ADAMTSL1: variants seen among roughly 807,000 people sequenced by gnomAD.
ADAMTSL1 encodes the protein ADAMTS like 1.
ADAMTSL1 carries 126 observed loss-of-function variants against 201.8 expected under a neutral mutation model. That is an observed-to-expected ratio of 0.62 (90% CI 0.54 to 0.72). ADAMTSL1 has a LOEUF of 0.72. Ranked by LOEUF, ADAMTSL1 falls within the 30% of genes least tolerant of loss-of-function variation. ADAMTSL1 has a pLI of 0.00. For synonymous variants in ADAMTSL1, 1,121 were observed against 903.4 expected (o/e 1.24, Z -4.32); for missense variants, 2,679 against 2,277.8 (o/e 1.18, Z -3.59).
chr9:18,396,554 A>T (rs1817761072), intron 2 of ADAMTSL1, among the ~76,000 whole-genome samples: 1 of 148,144 alleles, frequency 6.8e-6, no homozygotes, highest in South Asian at 2.1e-4. Context: ...TATAATTAAA[A>T]TTAATATTAA....
chr9:18,815,209 A>T (rs1032214876), intron 20 of ADAMTSL1, among the ~76,000 whole-genome samples: 6 of 152,188 alleles, frequency 3.9e-5, no homozygotes, highest in Non-Finnish European at 4.4e-5. Flanking sequence ...ACTCCTGGGT[A>T]TATATGCAAA....
At chr9:18,545,912 G>A (rs759409708) in intron 3 of ADAMTSL1, among the ~76,000 whole-genome samples, 22 of 152,118 alleles carry the variant, frequency 1.4e-4, no homozygotes, top group African/African-American at 3.6e-4. Flanking sequence ...GCCTAGAAAC[G>A]ATAAGCAGCA....
chr9:18,342,899 TGTCGG>T (rs1246978904), intron 2 of ADAMTSL1, among the ~76,000 whole-genome samples: 1 of 152,198 alleles, frequency 6.6e-6, no homozygotes, highest in Non-Finnish European at 1.5e-5. Context: ...AACCCTAGCA[TGTCGG>T]TACTTCCTGT....
At chr9:17,957,616 G>A (rs958587723) in intron 1 of ADAMTSL1, among the ~76,000 whole-genome samples, 1 of 152,192 alleles carries the variant, frequency 6.6e-6, no homozygotes, top group Non-Finnish European at 1.5e-5. Context: ...GGGTTGAATA[G>A]CATCCCCCCA....
intron 2 of ADAMTSL1, among the ~76,000 whole-genome samples, chr9:18,349,719 C>G (rs1377849738): frequency 6.6e-6 from 1 of 152,036 alleles, no homozygotes; most frequent in African/African-American, 2.4e-5. Context: ...CTATTCAAGG[C>G]AAAATGCAGT....
At chr9:18,386,435 A>C (rs1184378804) in intron 2 of ADAMTSL1, among the ~76,000 whole-genome samples, 4 of 152,204 alleles carry the variant, frequency 2.6e-5, no homozygotes, top group African/African-American at 9.6e-5. Flanking sequence ...TGGGTTCAGA[A>C]TTACTTCTGT....
intron 1 of ADAMTSL1, among the ~76,000 whole-genome samples, chr9:17,961,651 C>T (rs1398900037): frequency 1.3e-5 from 2 of 152,188 alleles, no homozygotes; most frequent in African/African-American, 4.8e-5. Flanking sequence ...ATTCAGTTTG[C>T]TGATTTGATT....
chr9:18,638,866 C>T (rs1827264016), intron 6 of ADAMTSL1, among the ~76,000 whole-genome samples: 1 of 151,874 alleles, frequency 6.6e-6, no homozygotes, highest in Non-Finnish European at 1.5e-5. Context: ...TCTTGTAGAG[C>T]AAAAAGAAAA....
intron 7 of ADAMTSL1, among the ~76,000 whole-genome samples, chr9:18,653,348 C>T (rs1828416354): frequency 6.6e-6 from 1 of 152,208 alleles, no homozygotes; most frequent in Admixed American, 6.5e-5. Flanking sequence ...TCTGCTTTGC[C>T]ACTCAGTATC....
chr9:18,802,801 C>T (rs538704735), intron 20 of ADAMTSL1, among the ~76,000 whole-genome samples: 80 of 152,328 alleles, frequency 5.3e-4, no homozygotes, highest in African/African-American at 1.9e-3. Context: ...TTCAAAGAGA[C>T]TGCACCACTT....
intron 15 of ADAMTSL1, among the ~76,000 whole-genome samples, chr9:18,734,560 G>T (rs186285052): frequency 6.6e-6 from 1 of 152,082 alleles, no homozygotes; most frequent in Non-Finnish European, 1.5e-5. Flanking sequence ...CCTGGGCCGC[G>T]CACTAACAGC....
intron 1 of ADAMTSL1, among the ~76,000 whole-genome samples, chr9:17,924,310 A>G (rs1826431839): frequency 6.6e-6 from 1 of 152,068 alleles, no homozygotes; most frequent in African/African-American, 2.4e-5. Flanking sequence ...AGCTCCCGTT[A>G]TTGGTCTATT....
At chr9:18,074,214 C>A (rs374826767) in intron 1 of ADAMTSL1, among the ~76,000 whole-genome samples, 4 of 152,126 alleles carry the variant, frequency 2.6e-5, no homozygotes, top group Non-Finnish European at 5.9e-5. Context: ...AGCCAGGCTT[C>A]CCTTTGGCTT....
intron 1 of ADAMTSL1, among the ~76,000 whole-genome samples, chr9:18,045,533 A>G (rs116129653): frequency 2.8e-3 from 434 of 152,330 alleles, no homozygotes; most frequent in African/African-American, 9.4e-3. Context: ...CCCATTCATG[A>G]TCAATGAATG....
At chr9:17,974,842 G>A (rs1170200798) in intron 1 of ADAMTSL1, among the ~76,000 whole-genome samples, 1 of 151,996 alleles carries the variant, frequency 6.6e-6, no homozygotes, top group East Asian at 1.9e-4. Context: ...ATGAACATGG[G>A]GTTCTTTGGG....
intron 1 of ADAMTSL1, among the ~76,000 whole-genome samples, chr9:18,127,471 G>A (rs78027841): frequency 0.34 from 41,423 of 122,650 alleles, 5,927 homozygotes; most frequent in Admixed American, 0.46. Context: ...GCATGCATAG[G>A]CACATACACA....
chr9:18,475,748 T>C (rs1342219409), intron 1 of ADAMTSL1, among the ~76,000 whole-genome samples: 2 of 151,986 alleles, frequency 1.3e-5, no homozygotes, highest in African/African-American at 4.8e-5. Context: ...TTTCCTTCTT[T>C]GTGATTTTTT....
At chr9:18,854,225 C>G (rs1330858947) in intron 23 of ADAMTSL1, among the ~76,000 whole-genome samples, 1 of 152,092 alleles carries the variant, frequency 6.6e-6, no homozygotes, top group East Asian at 1.9e-4. Flanking sequence ...TCATCCCTAA[C>G]ACACATATGC....
chr9:17,947,658 C>T (rs1018693245), intron 1 of ADAMTSL1, among the ~76,000 whole-genome samples: 6 of 152,052 alleles, frequency 3.9e-5, no homozygotes, highest in African/African-American at 1.4e-4. Flanking sequence ...AATGAGCAAG[C>T]AAATGATTAT....
Sources: allele counts gnomAD v4.1 joint callset (sites outside exome capture counted in the v4.1 genomes callset), GRCh38; gene constraint gnomAD v4.1.1; transcripts MANE v1.5; gene names NCBI Gene and HGNC (gene_info 2026-07-23, HGNC 2026-07-21).